The following NOSTRIN variants were observed in gnomAD, a reference collection of about 807,000 sequenced individuals.
NOSTRIN encodes the protein nitric oxide synthase trafficking.
Under a neutral mutation model 59.0 loss-of-function variants are expected in NOSTRIN, and 63 were observed. That is an observed-to-expected ratio of 1.07 (90% CI 0.87 to 1.32). NOSTRIN has a LOEUF of 1.32. NOSTRIN is among the 40% of genes most tolerant of loss of function. The pLI is 0.00. For synonymous variants in NOSTRIN, 200 were observed against 165.4 expected, an observed-to-expected ratio of 1.21 and a Z score of -1.61; for missense variants, 512 against 473.1, an observed-to-expected ratio of 1.08 and a Z score of -0.76.
At chr2:168,861,636 T>C (rs772851114) in intron 14 of NOSTRIN, among the ~76,000 whole-genome samples, 3 of 152,216 alleles carry the variant, frequency 2.0e-5, no homozygotes, top group Non-Finnish European at 4.4e-5. Flanking sequence ...TATTTATACC[T>C]GAATGGCAAA....
intron 1 of NOSTRIN, among the ~76,000 whole-genome samples, chr2:168,806,379 A>ATATAG: frequency 6.6e-6 from 1 of 152,158 alleles, no homozygotes. Context: ...AGGTGGGCCA[A>ATATAG]GCTTGATATA....
At chr2:168,787,402 CT>C (rs1186585453) in intron 1 of NOSTRIN, among the ~76,000 whole-genome samples, 1 of 152,228 alleles carries the variant, frequency 6.6e-6, no homozygotes, top group Non-Finnish European at 1.5e-5. Flanking sequence ...TCCTCTTCTT[CT>C]TCATGTCGCT....
chr2:168,811,637 C>G lies in NOSTRIN; in HGVS notation c.98C>G (p.Ser33Cys), dbSNP rs748722343. 1.2e-6 allele frequency: 1 copy of G among 859,410 alleles called. No individual in the cohort carries two copies. The allele number at this position is 859,410 out of a possible 1,614,324, so 53.2% of individuals were successfully genotyped here. ...GAGAATTTCTGCAAACAGGTCACAT[C>G]TGTTCTTCAGCAAAGGTACAAAATG... Reference protein sequence around the residue: ...NGENFCKQVTSVLQQRANLEI... With the variant: ...NGENFCKQVTCVLQQRANLEI... Residue 33 changes from serine to cysteine, a missense_variant, in exon 2 of 16, where the codon TCT becomes TGT. Transcript: ENST00000317647.
chr2:168,797,084 T>TTC (rs1553519717), upstream of NOSTRIN, among the ~76,000 whole-genome samples: 49 of 31,764 alleles, frequency 1.5e-3, no homozygotes, highest in East Asian at 0.016. Flanking sequence ...TTTTTCTTTT[T>TTC]TTTTTTTTTT....
upstream of NOSTRIN, chr2:168,798,302 A>T (rs1470770866): frequency 6.6e-6 from 1 of 152,158 alleles, no homozygotes; most frequent in Non-Finnish European, 1.5e-5. Context: ...GCTGTTGCCA[A>T]TTCTTTGCAC....
chr2:168,860,764 C>G lies in NOSTRIN; in HGVS notation c.1180-31C>G, dbSNP rs376270061. On this transcript the variant is annotated intron_variant, in intron 13 of 15. Transcript: ENST00000317647. Reference sequence around the variant, plus strand: ...ATGAATGTTTATGATAATCGTGTTACAAAATATGACTTTTTATGTCATTTG... The same window carrying G: ...ATGAATGTTTATGATAATCGTGTTAGAAAATATGACTTTTTATGTCATTTG... 1.1e-5 allele frequency: 15 copies of G among 1,334,926 alleles called. No homozygotes were observed. The East Asian group carries it at 1.9e-4, about 16-fold the overall frequency. 82.7% of individuals were successfully genotyped at this position (1,334,926 alleles called of 1,614,324 possible).
intron 14 of NOSTRIN, 70 bp downstream of exon 14, chr2:168,860,979 A>T: frequency 1.0e-6 from 1 of 977,004 alleles, no homozygotes; most frequent in Non-Finnish European, 1.6e-6. Context: ...TTTAAATTTT[A>T]GTTTCAGAGC....
intron 2 of NOSTRIN, among the ~76,000 whole-genome samples, chr2:168,821,347 G>A (rs1686726024): frequency 6.6e-6 from 1 of 152,234 alleles, no homozygotes; most frequent in Non-Finnish European, 1.5e-5. Context: ...TTAATTTACA[G>A]TTCTCAAAAG....
Position 168,828,441 on chromosome 2 carries a change from A to G in NOSTRIN, c.282A>G (p.Glu94=), listed in dbSNP as rs1436950530. The G allele has an allele frequency of 1.1e-6, 1 of 872,404 alleles. No individual in the cohort carries two copies. Among genetic ancestry groups the G allele is most frequent in the Non-Finnish European group, 2.0e-6 (1 of 501,562 alleles). 54.0% of individuals were successfully genotyped at this position (872,404 alleles called of 1,614,324 possible). A position where few individuals can be genotyped will look rare whatever the true frequency, so the allele number is the denominator to read the frequency against. The change falls in exon 5 of 16, where the codon GAA becomes GAG. Residue 94 remains glutamate (E), a synonymous_variant. Coordinates refer to ENST00000317647, the MANE Select transcript of NOSTRIN (RefSeq NM_001039724.4). ...CCAGAAAACTTGGCAAAGCAATTGA[A>G]TTGGAAGCAATAAAACCGACTTATC... is the stretch of plus-strand genomic sequence containing the variant. The part of the protein sequence containing the change: ...DLHQKLGKAI[E]LEAIKPTYQV...
At chr2:168,795,120 T>C (rs1374949258), upstream of NOSTRIN, among the ~76,000 whole-genome samples, 1 of 152,176 alleles carries the variant, frequency 6.6e-6, no homozygotes, top group Non-Finnish European at 1.5e-5. Flanking sequence ...GAAATAACTA[T>C]AAATCCATTA....
chr2:168,797,084 T>TTTTTTTTTTTTTTTG (rs1559099089), upstream of NOSTRIN, among the ~76,000 whole-genome samples: 3 of 31,754 alleles, frequency 9.4e-5, no homozygotes, highest in Admixed American at 1.3e-3. Context: ...TTTTTCTTTT[T>TTTTTTTTTTTTTTTG]TTTTTTTTTT....
intron 2 of NOSTRIN, among the ~76,000 whole-genome samples, chr2:168,792,658 T>C (rs76691844): frequency 0.024 from 3,621 of 152,136 alleles, 126 homozygotes; most frequent in East Asian, 0.073. Flanking sequence ...TTTTGTATTT[T>C]TAGTAGAGAC....
intron 8 of NOSTRIN, among the ~76,000 whole-genome samples, chr2:168,848,602 C>T (rs1688566333): frequency 6.6e-6 from 1 of 152,190 alleles, no homozygotes; most frequent in African/African-American, 2.4e-5. Context: ...GAATATTATT[C>T]AGCCAAAAAG....
intron 6 of NOSTRIN, among the ~76,000 whole-genome samples, chr2:168,833,271 C>T (rs1328874793): frequency 3.3e-5 from 5 of 152,176 alleles, no homozygotes; most frequent in Admixed American, 3.3e-4. Flanking sequence ...GTCACACTCT[C>T]ATTTCCCAGC....
At chr2:168,823,800 G>GGCAC (rs1217813945) in intron 2 of NOSTRIN, among the ~76,000 whole-genome samples, 9 of 152,300 alleles carry the variant, frequency 5.9e-5, no homozygotes, top group Admixed American at 4.6e-4. Flanking sequence ...CTTTGGGCTG[G>GGCAC]GCACAGTGGC....
At chr2:168,815,045 G>T (rs1171927834) in intron 2 of NOSTRIN, among the ~76,000 whole-genome samples, 3 of 152,124 alleles carry the variant, frequency 2.0e-5, no homozygotes, top group Middle Eastern at 3.2e-3. Flanking sequence ...CTGGAATGTG[G>T]TTCTGCTTGA....
chr2:168,788,513 G>A (rs1208154243), intron 2 of NOSTRIN, among the ~76,000 whole-genome samples: 1 of 152,102 alleles, frequency 6.6e-6, no homozygotes, highest in African/African-American at 2.4e-5. Context: ...CACAAGGTGG[G>A]AGTGAGGAGT....
intron 8 of NOSTRIN, 21 bp from the exon 9 acceptor site, chr2:168,851,063 C>T: frequency 1.5e-6 from 2 of 1,350,470 alleles, no homozygotes; most frequent in South Asian, 1.2e-5. Context: ...CTGATCTTAC[C>T]CCAATTTTCA....
chr2:168,841,490 G>C (rs1023957732), intron 7 of NOSTRIN, among the ~76,000 whole-genome samples: 1 of 152,122 alleles, frequency 6.6e-6, no homozygotes, highest in Non-Finnish European at 1.5e-5. Flanking sequence ...CAAGAGGGGG[G>C]CTCTTTGTAA....
Sources: allele counts gnomAD v4.1 joint callset (sites outside exome capture counted in the v4.1 genomes callset), GRCh38; gene constraint gnomAD v4.1.1; transcripts MANE v1.5; gene names NCBI Gene and HGNC (gene_info 2026-07-23, HGNC 2026-07-21).